ITGB7: variants seen among roughly 807,000 people sequenced by gnomAD.
ITGB7 encodes the protein integrin beta-7.
Under a neutral mutation model 83.4 loss-of-function variants are expected in ITGB7, and 55 were observed. The ratio of observed to expected loss-of-function variants is 0.66; its 90% CI spans 0.53 to 0.83. The LOEUF (loss-of-function observed/expected upper bound fraction) is 0.83, where lower values mean the gene tolerates loss of function less well. Among genes scored for constraint, ITGB7 ranks in the 40% least tolerant of loss-of-function variants. The probability of loss-of-function intolerance (pLI) is 0.00; values close to 1 mark genes in which losing one functional copy is unlikely to be tolerated. For synonymous variants in ITGB7, 454 were observed against 423.6 expected (o/e 1.07, Z -0.88); for missense variants, 921 against 1,046.7 (o/e 0.88, Z 1.66).
At chr12:53,196,867 C>G (rs1328937397) in intron 5 of ITGB7, 47 bp from the exon 6 acceptor site, 1 of 1,561,000 alleles carries the variant, frequency 6.4e-7, no homozygotes, top group African/African-American at 1.3e-5. Flanking sequence ...CGCAGGGCAG[C>G]AACAGAGGAC....
At chr12:53,206,290 T>A (rs879263057) in intron 1 of ITGB7, among the ~76,000 whole-genome samples, 11 of 152,218 alleles carry the variant, frequency 7.2e-5, no homozygotes, top group African/African-American at 1.2e-4. Context: ...TTTTCCCCTC[T>A]GTTCCTAACT....
intron 5 of ITGB7, 166 bp from the exon 6 acceptor site, chr12:53,196,986 C>T: frequency 1.4e-6 from 1 of 713,904 alleles, no homozygotes; most frequent in Non-Finnish European, 2.3e-6. Flanking sequence ...AGACCACTGG[C>T]TCAGGGAAGT....
At chr12:53,193,927 T>A (rs768687334) in intron 10 of ITGB7, 26 bp from the exon 11 acceptor site, 2 of 1,596,044 alleles carry the variant, frequency 1.3e-6, no homozygotes, top group Non-Finnish European at 1.7e-6. Flanking sequence ...AATCAGGCCA[T>A]GGTTATACAC....
Position 53,193,195 on chromosome 12 carries a change from A to C in ITGB7, c.1671T>G (p.His557Gln). 1 of 1,614,114 alleles carries C rather than the reference A, an allele frequency of 6.2e-7. No homozygotes were observed. The highest frequency in any genetic ancestry group is 8.5e-7 in the Non-Finnish European group (1 of 1,180,000). The stretch of plus-strand genomic sequence containing the variant: ...AGCTGGCATCGTCACACTCGCACAG[A>C]TGCCCAGAGCTCTGTCCACTGCAGC... ...RCSCSGQSSG[H>Q]LCECDDASCE... The change falls in exon 12 of 16, where the codon CAT becomes CAG. Residue 557 changes from histidine to glutamine, a missense_variant. By Grantham distance (24) the His-to-Gln change is conservative. Coordinates refer to ENST00000267082, the MANE Select transcript of ITGB7 (RefSeq NM_000889.3).
intron 3 of ITGB7, among the ~76,000 whole-genome samples, chr12:53,198,563 C>T (rs561752823): frequency 5.1e-4 from 77 of 152,166 alleles, no homozygotes; most frequent in Non-Finnish European, 1.1e-3. Context: ...GAACTCTGGT[C>T]CTTTCTTCCT....
intron 13 of ITGB7, 23 bp from the exon 14 acceptor site, chr12:53,192,561 T>C: frequency 6.2e-7 from 1 of 1,611,354 alleles, no homozygotes. Context: ...TGCCAATAGG[T>C]TACCAGCTGG....
chr12:53,192,044 T>C (rs2120391373), intron 14 of ITGB7, 25 bp from the exon 15 acceptor site: 22 of 1,606,250 alleles, frequency 1.4e-5, no homozygotes, highest in East Asian at 2.2e-5. Context: ...CCAGACACAC[T>C]TGTGGGAGCT....
intron 1 of ITGB7, among the ~76,000 whole-genome samples, chr12:53,203,062 A>G (rs1942354555): frequency 6.6e-6 from 1 of 152,214 alleles, no homozygotes; most frequent in Non-Finnish European, 1.5e-5. Flanking sequence ...CAAACAACAA[A>G]AGGAAAAACA....
intron 2 of ITGB7, among the ~76,000 whole-genome samples, chr12:53,200,853 A>G (rs1173448702): frequency 1.3e-5 from 2 of 151,050 alleles, no homozygotes; most frequent in African/African-American, 2.4e-5. Context: ...TGCTTGAACC[A>G]GGGAGGCGGA....
rs1005160162 is a variant in ITGB7, at chr12:53,192,856, C to T, written c.1781G>A (p.Arg594Lys). The T allele has an allele frequency of 1.2e-6, 2 of 1,614,228 alleles. No homozygotes were observed. ...VCHCHANRTG[R>K]ACECSGDMDS... ...CATGTCCCCACTGCATTCGCATGCT[C>T]TGCCCGTGCGGTTGGCATGACAGTG... The change falls in exon 13 of 16, where the codon AGA becomes AAA. Residue 594 changes from arginine to lysine, a missense_variant. Physicochemically the swap from Arg to Lys is conservative, Grantham distance 26. Coordinates refer to ENST00000267082, the MANE Select transcript of ITGB7 (RefSeq NM_000889.3).
chr12:53,193,639 G>A (rs536098540), intron 11 of ITGB7, 69 bp downstream of exon 11: 330 of 1,343,120 alleles, frequency 2.5e-4, no homozygotes, highest in African/African-American at 2.3e-3. Context: ...GGAAAGCAGC[G>A]GAGGAATACG....
chr12:53,197,716 G>C, intron 4 of ITGB7, 34 bp downstream of exon 4: 1 of 1,595,136 alleles, frequency 6.3e-7, no homozygotes, highest in Non-Finnish European at 8.5e-7. Context: ...CGCCAGCCTA[G>C]ACCTCTGGCC....
In ITGB7 at chr12:53,194,325, GT is replaced by G; in HGVS notation, c.1180del (p.Thr394ProfsTer44). On this transcript the variant is annotated frameshift_variant, in exon 10 of 16. Transcript: ENST00000267082. LOFTEE classifies it high-confidence loss of function. ...AGGAGGGAGTGAAGAGTGTTCAAGG[GT>G]CACGGTGGAAGACAGGCTCTATGGG... ...DAYNSLSSTV[T>X]LEHSSLPPGV... 1 of 1,614,050 alleles carries G rather than the reference GT, an allele frequency of 6.2e-7. No homozygotes were observed. Among genetic ancestry groups the G allele is most frequent in the Non-Finnish European group, 8.5e-7 (1 of 1,179,992 alleles).
chr12:53,197,494 A>G lies in ITGB7; in HGVS notation c.573T>C (p.Ile191=), dbSNP rs1942205665. The G allele has an allele frequency of 6.2e-7, 1 of 1,614,102 alleles. No homozygotes were observed. The highest frequency in any genetic ancestry group is 1.1e-5 in the South Asian group (1 of 91,090). ...RLQEVTHSVR[I]GFGSFVDKTV... The stretch of plus-strand genomic sequence containing the variant: ...GGCGGGAGGCAGCGCTCGGCTCACC[A>G]ATGCGCACAGAATGGGTGACTTCCT... Residue 191 remains isoleucine (I), a splice_region_variant and synonymous_variant, in exon 5 of 16, where the codon ATT becomes ATC. Coordinates refer to ENST00000267082, the MANE Select transcript of ITGB7 (RefSeq NM_000889.3).
Position 53,192,405 on chromosome 12 carries a change from C to G in ITGB7, c.2080G>C (p.Asp694His), listed in dbSNP as rs1238309807. 6 of 1,614,134 alleles carry G rather than the reference C, an allele frequency of 3.7e-6. No individual in the cohort carries two copies. Among genetic ancestry groups the G allele is most frequent in the Non-Finnish European group, 3.4e-6 (4 of 1,180,018 alleles). ...ACCAAGAAGAAGAACAGCTGGTTGT[C>G]CAGGGTCCGCTCTTTGCACCAGCCA... ...DDGWCKERTL[D>H]NQLFFFLVED... The change falls in exon 14 of 16, where the codon GAC (aspartate) becomes CAC (histidine). Residue 694 changes from aspartate (D) to histidine (H), a missense_variant. By Grantham distance (81) the Asp-to-His change is moderately conservative. Coordinates refer to ENST00000267082, the MANE Select transcript of ITGB7 (RefSeq NM_000889.3).
At chr12:53,197,472 G>T in intron 5 of ITGB7, 21 bp downstream of exon 5, 1 of 1,613,136 alleles carries the variant, frequency 6.2e-7, no homozygotes, top group South Asian at 1.1e-5. Flanking sequence ...CTAACAGGGC[G>T]GGAGGCAGCG....
intron 1 of ITGB7, among the ~76,000 whole-genome samples, chr12:53,203,387 C>T (rs1469963889): frequency 1.3e-5 from 2 of 152,092 alleles, no homozygotes; most frequent in Admixed American, 1.3e-4. Flanking sequence ...GTGGCTCACA[C>T]CTGTAATCCT....
intron 15 of ITGB7, 22 bp downstream of exon 15, chr12:53,191,837 C>G (rs1401350785): frequency 2.5e-6 from 4 of 1,613,260 alleles, no homozygotes; most frequent in Admixed American, 3.3e-5. Context: ...TAAAAAGGGG[C>G]CTAACCAGGA....
intron 3 of ITGB7, 99 bp downstream of exon 3, chr12:53,200,144 A>C: frequency 9.6e-7 from 1 of 1,045,304 alleles, no homozygotes; most frequent in Non-Finnish European, 1.4e-6. Flanking sequence ...AAAATCATAC[A>C]TGTGCCCACA....
Sources: allele counts gnomAD v4.1 joint callset (sites outside exome capture counted in the v4.1 genomes callset), GRCh38; gene constraint gnomAD v4.1.1; transcripts MANE v1.5; gene names NCBI Gene and HGNC (gene_info 2026-07-23, HGNC 2026-07-21).